Variants in LRMDA observed in about 807,000 individuals in gnomAD.
The protein encoded by LRMDA is leucine-rich melanocyte differentiation-associated protein.
In LRMDA, 18 loss-of-function variants were observed where a neutral mutation model predicts 29.8. The ratio of observed to expected loss-of-function variants is 0.60; its 90% CI spans 0.42 to 0.90. The LOEUF is 0.90. Ranked by LOEUF, LRMDA falls within the 40% of genes least tolerant of loss-of-function variation. LRMDA has a pLI of 0.00. For missense variants in LRMDA, 273 were observed against 273.9 expected (o/e 1.00, Z 0.02); for synonymous variants, 125 against 109.4 (o/e 1.14, Z -0.89).
intron 2 of LRMDA, among the ~76,000 whole-genome samples, chr10:75,681,580 T>A (rs554866030): frequency 6.6e-6 from 1 of 151,924 alleles, no homozygotes; most frequent in African/African-American, 2.4e-5. Context: ...GGGACAGAGG[T>A]CGCATGGAGC....
chr10:75,737,387 AG>A (rs1589178989), intron 2 of LRMDA, among the ~76,000 whole-genome samples: 2 of 152,220 alleles, frequency 1.3e-5, no homozygotes, highest in Non-Finnish European at 2.9e-5. Flanking sequence ...TCACCGTGGC[AG>A]GAACGTTGGG....
Position 75,688,260 on chromosome 10 carries a change from C to T in LRMDA, c.131+249766C>T, listed in dbSNP as rs953331171. 3.9e-5 allele frequency among the ~76,000 whole-genome samples: 6 copies of T among 152,258 alleles called. No individual in the cohort carries two copies. In the East Asian group the frequency reaches 1.2e-3, roughly 29 times the overall value. On this transcript the variant is annotated intron_variant, in intron 2 of 6. Coordinates refer to ENST00000611255, the MANE Select transcript of LRMDA (RefSeq NM_001305581.2). ...TTGAAAACCTTCTGGAAAGGATTCACCATTATAGATGCCATGAAGAACATT... is the reference window on the plus strand; with the variant it reads ...TTGAAAACCTTCTGGAAAGGATTCATCATTATAGATGCCATGAAGAACATT...
intron 6 of LRMDA, among the ~76,000 whole-genome samples, chr10:76,327,336 C>A (rs1490501060): frequency 6.6e-6 from 1 of 152,144 alleles, no homozygotes; most frequent in African/African-American, 2.4e-5. Context: ...TGTGATTCAC[C>A]TGCCTCGGCC....
chr10:76,522,808 A>T (rs1295932425), intron 6 of LRMDA, among the ~76,000 whole-genome samples: 1 of 152,158 alleles, frequency 6.6e-6, no homozygotes, highest in African/African-American at 2.4e-5. Context: ...AGGGACAAGG[A>T]TGGCTCCAGA....
intron 2 of LRMDA, among the ~76,000 whole-genome samples, chr10:75,651,949 C>G (rs896878590): frequency 6.6e-6 from 1 of 152,150 alleles, no homozygotes; most frequent in Non-Finnish European, 1.5e-5. Context: ...CTTTTCTACC[C>G]CACTCTCAAG....
chr10:76,472,803 G>T (rs1436808822), intron 6 of LRMDA, among the ~76,000 whole-genome samples: 1 of 151,348 alleles, frequency 6.6e-6, no homozygotes, highest in Non-Finnish European at 1.5e-5. Context: ...AATTTCTAAA[G>T]ACAGACTCAA....
At chr10:76,368,058 GTTTCA>G (rs767575490) in intron 6 of LRMDA, among the ~76,000 whole-genome samples, 1 of 151,942 alleles carries the variant, frequency 6.6e-6, no homozygotes, top group Non-Finnish European at 1.5e-5. Context: ...CCTGCCTTTT[GTTTCA>G]TTTATCTTTT....
At chr10:75,692,671 A>G (rs1842186399) in intron 2 of LRMDA, among the ~76,000 whole-genome samples, 1 of 151,416 alleles carries the variant, frequency 6.6e-6, no homozygotes, top group African/African-American at 2.4e-5. Context: ...TCCAGAAAAT[A>G]GGTTTCTAGT....
intron 2 of LRMDA, among the ~76,000 whole-genome samples, chr10:75,716,201 C>A (rs1358513021): frequency 6.6e-6 from 1 of 152,124 alleles, no homozygotes; most frequent in Non-Finnish European, 1.5e-5. Context: ...TCCATTCCTC[C>A]CATAGATGAG....
intron 6 of LRMDA, among the ~76,000 whole-genome samples, chr10:76,361,634 C>T (rs1047378054): frequency 3.3e-5 from 5 of 152,256 alleles, no homozygotes; most frequent in Non-Finnish European, 7.4e-5. Context: ...GCAGAAAAAT[C>T]ATTCCCCTAT....
intron 2 of LRMDA, among the ~76,000 whole-genome samples, chr10:75,999,886 G>T (rs148490397): frequency 6.6e-6 from 1 of 152,228 alleles, no homozygotes; most frequent in East Asian, 1.9e-4. Flanking sequence ...TATTTTCTTT[G>T]TCTGATTATA....
In LRMDA at chr10:76,212,991, C is replaced by T. The variant is rs186416192; in HGVS notation, c.517-111410C>T. 2.0e-3 allele frequency among the ~76,000 whole-genome samples: 307 copies of T among 152,264 alleles called. 3 individuals carry two copies. Among genetic ancestry groups the T allele is most frequent in the African/African-American group, 7.1e-3 (297 of 41,544 alleles). ...CCCATTCCTCCTAATTTTGTGAGCT[C>T]GTACTCCATGAGTGGGAGAAGATGG... On this transcript the variant is annotated intron_variant, in intron 5 of 6. Coordinates refer to ENST00000611255, the MANE Select transcript of LRMDA (RefSeq NM_001305581.2).
intron 6 of LRMDA, among the ~76,000 whole-genome samples, chr10:76,406,583 G>A (rs944099199): frequency 1.3e-5 from 2 of 152,206 alleles, no homozygotes; most frequent in Admixed American, 1.3e-4. Flanking sequence ...GGTGACCACA[G>A]TGGTCCTTCT....
intron 2 of LRMDA, among the ~76,000 whole-genome samples, chr10:76,010,545 C>G (rs1847760652): frequency 6.6e-6 from 1 of 152,202 alleles, no homozygotes; most frequent in African/African-American, 2.4e-5. Context: ...ATCTCCTGAC[C>G]TCGTGATCTG....
intron 3 of LRMDA, among the ~76,000 whole-genome samples, chr10:76,037,636 G>T (rs375809942): frequency 2.0e-4 from 30 of 152,166 alleles, no homozygotes; most frequent in Non-Finnish European, 5.9e-5. Flanking sequence ...AGCAGGGTTG[G>T]TTTCTTGGTG....
At chr10:75,762,143 T>C (rs1843105447) in intron 2 of LRMDA, among the ~76,000 whole-genome samples, 1 of 152,174 alleles carries the variant, frequency 6.6e-6, no homozygotes, top group Non-Finnish European at 1.5e-5. Flanking sequence ...CTCAAGGTTT[T>C]ATCTCCCAAA....
At chr10:75,868,318 A>G (rs1379228830) in intron 2 of LRMDA, among the ~76,000 whole-genome samples, 1 of 152,112 alleles carries the variant, frequency 6.6e-6, no homozygotes, top group Non-Finnish European at 1.5e-5. Context: ...TAGCTGTGTA[A>G]CCTCAGGTTG....
chr10:76,522,242 A>G (rs1290161662), intron 6 of LRMDA, among the ~76,000 whole-genome samples: 1 of 152,180 alleles, frequency 6.6e-6, no homozygotes, highest in African/African-American at 2.4e-5. Context: ...CACCATTTTC[A>G]GAGATTGCTC....
intron 2 of LRMDA, among the ~76,000 whole-genome samples, chr10:75,839,162 C>G (rs979363265): frequency 6.6e-6 from 1 of 152,208 alleles, no homozygotes; most frequent in African/African-American, 2.4e-5. Context: ...GAGGCTTCAT[C>G]AAGAATGCTC....
Sources: allele counts gnomAD v4.1 joint callset (sites outside exome capture counted in the v4.1 genomes callset), GRCh38; gene constraint gnomAD v4.1.1; transcripts MANE v1.5; gene names NCBI Gene and HGNC (gene_info 2026-07-23, HGNC 2026-07-21).